Variants in METTL25 observed in about 807,000 individuals in gnomAD.
METTL25 encodes methyltransferase like 25, also known as probable methyltransferase-like protein 25.
A neutral mutation model predicts 71.6 loss-of-function variants in METTL25; 64 were observed. That is an observed-to-expected ratio of 0.89 (90% CI 0.73 to 1.10). The LOEUF (loss-of-function observed/expected upper bound fraction) is 1.10, where lower values mean the gene tolerates loss of function less well. METTL25 is among the 50% of genes least tolerant of loss of function. The pLI is 0.00. For synonymous variants in METTL25, 287 were observed against 250.3 expected (o/e 1.15, Z -1.38); for missense variants, 807 against 707.0 (o/e 1.14, Z -1.60).
intron 1 of METTL25, among the ~76,000 whole-genome samples, chr12:82,368,331 A>T (rs1486082975): frequency 6.6e-6 from 1 of 152,186 alleles, no homozygotes; most frequent in Non-Finnish European, 1.5e-5. Flanking sequence ...TTTTTTAGCC[A>T]ACATTTCAAG....
chr12:82,375,823 C>T (rs984498527), intron 1 of METTL25, among the ~76,000 whole-genome samples: 4 of 152,184 alleles, frequency 2.6e-5, no homozygotes, highest in African/African-American at 9.7e-5. Flanking sequence ...TGGAATTTAT[C>T]CCTTATGACC....
chr12:82,473,544 C>T (rs546445222), intron 9 of METTL25, among the ~76,000 whole-genome samples: 22 of 152,214 alleles, frequency 1.4e-4, no homozygotes, highest in Middle Eastern at 3.4e-3. Flanking sequence ...CCTGGGTGAT[C>T]GCCCTCCAGG....
intron 11 of METTL25, among the ~76,000 whole-genome samples, chr12:82,478,219 C>T (rs892263551): frequency 2.6e-5 from 4 of 151,724 alleles, no homozygotes. Flanking sequence ...ATTCTCACAT[C>T]CCTTTTCAAA....
At chr12:82,454,159 A>G (rs1217188015) in intron 8 of METTL25, among the ~76,000 whole-genome samples, 1 of 152,026 alleles carries the variant, frequency 6.6e-6, no homozygotes. Flanking sequence ...CACTGGCTTA[A>G]AATATCAAGG....
chr12:82,430,660 T>A (rs1347807848), intron 5 of METTL25, among the ~76,000 whole-genome samples: 1 of 151,720 alleles, frequency 6.6e-6, no homozygotes, highest in Non-Finnish European at 1.5e-5. Flanking sequence ...AATTGGTTGG[T>A]ACCAGACTTG....
At chr12:82,359,775 A>G (rs910409829) in intron 1 of METTL25, among the ~76,000 whole-genome samples, 4 of 152,220 alleles carry the variant, frequency 2.6e-5, no homozygotes, top group African/African-American at 9.7e-5. Flanking sequence ...GGACACCAAC[A>G]GGCTTCTGGG....
chr12:82,463,784 G>A (rs1892053018), intron 9 of METTL25, among the ~76,000 whole-genome samples: 1 of 151,838 alleles, frequency 6.6e-6, no homozygotes, highest in African/African-American at 2.4e-5. Flanking sequence ...CATTCTAACT[G>A]GGGGAGATGA....
intron 7 of METTL25, 141 bp from the exon 8 acceptor site, chr12:82,438,577 G>A (rs746935488): frequency 3.9e-5 from 15 of 380,352 alleles, no homozygotes; most frequent in South Asian, 2.2e-4. Context: ...ACTTTCGCTC[G>A]TAATGGAAAA....
At chr12:82,371,640 G>T (rs1451524954) in intron 1 of METTL25, among the ~76,000 whole-genome samples, 1 of 151,974 alleles carries the variant, frequency 6.6e-6, no homozygotes, top group East Asian at 1.9e-4. Flanking sequence ...GTTTAATAAC[G>T]CCTCCAGATT....
intron 1 of METTL25, among the ~76,000 whole-genome samples, chr12:82,364,786 A>G (rs1882371237): frequency 6.6e-6 from 1 of 152,204 alleles, no homozygotes; most frequent in Non-Finnish European, 1.5e-5. Flanking sequence ...ACTTGGAAGA[A>G]ATAAATTGTC....
At chr12:82,377,236 CAT>C (rs1308316704) in intron 1 of METTL25, among the ~76,000 whole-genome samples, 2 of 152,112 alleles carry the variant, frequency 1.3e-5, no homozygotes, top group East Asian at 1.9e-4. Context: ...GTAAATATCA[CAT>C]GTGGCTGATT....
At chr12:82,377,686 G>GA (rs1318293803) in intron 1 of METTL25, among the ~76,000 whole-genome samples, 14 of 152,234 alleles carry the variant, frequency 9.2e-5, no homozygotes, top group African/African-American at 3.4e-4. Flanking sequence ...AGAATCAAGA[G>GA]AAAAAACAGT....
At chr12:82,434,749 A>G in intron 7 of METTL25, 25 bp downstream of exon 7, 1 of 1,604,206 alleles carries the variant, frequency 6.2e-7, no homozygotes, top group Non-Finnish European at 8.5e-7. Flanking sequence ...TAACTGATGA[A>G]CACGACAGTT....
chr12:82,358,715 G>A lies in METTL25; in HGVS notation c.150G>A (p.Leu50=), dbSNP rs1248513584. The A allele has an allele frequency of 1.2e-6, 2 of 1,614,184 alleles. No individual in the cohort carries two copies. The highest frequency in any genetic ancestry group is 3.3e-5 in the Admixed American group (2 of 60,032). ...DFYTESVWEE[L]VDLPPETVLA... ...ACACAGAATCCGTGTGGGAGGAGCT[G>A]GTCGACTTGCCACCGGAGACAGTGC... Residue 50 remains leucine, a synonymous_variant, in exon 1 of 12, where the codon CTG becomes CTA. Transcript: ENST00000248306.
chr12:82,421,366 A>G (rs1358344807), intron 5 of METTL25, among the ~76,000 whole-genome samples: 1 of 152,204 alleles, frequency 6.6e-6, no homozygotes, highest in East Asian at 1.9e-4. Flanking sequence ...ACTGAATGAG[A>G]AAGTGTCAGA....
At chr12:82,400,807 C>G (rs901914562) in intron 4 of METTL25, among the ~76,000 whole-genome samples, 1 of 152,020 alleles carries the variant, frequency 6.6e-6, no homozygotes, top group African/African-American at 2.4e-5. Context: ...AAATATTTTA[C>G]TAGTAGGATA....
At chr12:82,460,512 T>A (rs974520661) in intron 9 of METTL25, among the ~76,000 whole-genome samples, 1 of 152,198 alleles carries the variant, frequency 6.6e-6, no homozygotes, top group African/African-American at 2.4e-5. Flanking sequence ...ATGTTGCTAG[T>A]ATGTACTCTT....
In METTL25 at chr12:82,405,912, A is replaced by T. The variant is rs1170639764; in HGVS notation, c.1279+2782A>T. On this transcript the variant is annotated intron_variant, in intron 5 of 11. Coordinates refer to ENST00000248306, the MANE Select transcript of METTL25 (RefSeq NM_032230.3). ...AACAAGTAACTAGGAATAGAAAAAA[A>T]ATCACTGTTTTCCTGCCTTGGCAGC... Among the ~76,000 whole-genome samples, 9 of 152,336 alleles carry T rather than the reference A, an allele frequency of 5.9e-5. No homozygotes were observed. The East Asian group carries it at 1.7e-3, about 29-fold the overall frequency.
intron 8 of METTL25, among the ~76,000 whole-genome samples, chr12:82,446,813 C>T (rs1282195462): frequency 6.6e-6 from 1 of 151,536 alleles, no homozygotes; most frequent in African/African-American, 2.4e-5. Flanking sequence ...GACGGGGTTT[C>T]ACTATGTTGG....
Sources: allele counts gnomAD v4.1 joint callset (sites outside exome capture counted in the v4.1 genomes callset), GRCh38; gene constraint gnomAD v4.1.1; transcripts MANE v1.5; gene names NCBI Gene and HGNC (gene_info 2026-07-23, HGNC 2026-07-21).